The following WBP2NL variants were observed in gnomAD, a reference collection of about 807,000 sequenced individuals.
WBP2NL encodes the protein postacrosomal sheath WW domain-binding protein.
A neutral mutation model predicts 23.3 loss-of-function variants in WBP2NL; 27 were observed. That is an observed-to-expected ratio of 1.16 (90% CI 0.85 to 1.60). WBP2NL has a LOEUF of 1.60. WBP2NL is among the 40% of genes most tolerant of loss of function. WBP2NL has a pLI of 0.00. For synonymous variants in WBP2NL, 151 were observed against 145.9 expected (o/e 1.03, Z -0.25); for missense variants, 370 against 389.5 (o/e 0.95, Z 0.42).
At chr22:42,011,042 G>C (rs1018343267) in intron 1 of WBP2NL, among the ~76,000 whole-genome samples, 3 of 152,038 alleles carry the variant, frequency 2.0e-5, no homozygotes, top group Non-Finnish European at 2.9e-5. Context: ...CTAGTATTTT[G>C]TTGAGGATTT....
intron 1 of WBP2NL, among the ~76,000 whole-genome samples, chr22:42,017,208 A>G (rs1365661278): frequency 6.6e-6 from 1 of 152,038 alleles, no homozygotes; most frequent in Non-Finnish European, 1.5e-5. Context: ...TCTGTGCCCC[A>G]TGGCTCAAGC....
At chr22:42,017,020 T>C (rs1029763569) in intron 1 of WBP2NL, among the ~76,000 whole-genome samples, 1 of 152,240 alleles carries the variant, frequency 6.6e-6, no homozygotes, top group African/African-American at 2.4e-5. Context: ...TTCTCCCAAG[T>C]ATGCAGTTTG....
chr22:42,009,118 G>A (rs1430453602), intron 1 of WBP2NL, among the ~76,000 whole-genome samples: 1 of 152,188 alleles, frequency 6.6e-6, no homozygotes, highest in Non-Finnish European at 1.5e-5. Flanking sequence ...GTTTCACCAT[G>A]TTGGGCTGGC....
chr22:42,019,037 A>AC (rs1454426539), intron 1 of WBP2NL, among the ~76,000 whole-genome samples: 1 of 151,812 alleles, frequency 6.6e-6, no homozygotes, highest in Non-Finnish European at 1.5e-5. Context: ...CCTGGCTAAC[A>AC]GTGAAACCCC....
At chr22:42,047,784 G>A (rs111301688) in intron 8 of WBP2NL, among the ~76,000 whole-genome samples, 6,554 of 151,448 alleles carry the variant, frequency 0.043, 192 homozygotes, top group Non-Finnish European at 0.064. Flanking sequence ...ACCACACCTG[G>A]CTAACTTTTT....
At chr22:42,008,696 C>T (rs1426139884) in intron 1 of WBP2NL, among the ~76,000 whole-genome samples, 1 of 151,978 alleles carries the variant, frequency 6.6e-6, no homozygotes, top group Non-Finnish European at 1.5e-5. Context: ...CAACCTCTGC[C>T]TCCCAGGTTC....
At chr22:42,008,203 TCTC>T (rs1922477126) in intron 1 of WBP2NL, among the ~76,000 whole-genome samples, 1 of 46,478 alleles carries the variant, frequency 2.2e-5, no homozygotes, top group Non-Finnish European at 4.1e-5. Context: ...CCCCTCCCCC[TCTC>T]CTCCCCTCCC....
chr22:42,057,869 G>GTGTATA (rs1926112302), intron 8 of WBP2NL, among the ~76,000 whole-genome samples: 9 of 32,540 alleles, frequency 2.8e-4, no homozygotes, highest in African/African-American at 4.5e-4. Flanking sequence ...GTGTGTGTAT[G>GTGTATA]TATATATATA....
chr22:42,053,373 A>AAC (rs1323069043), intron 8 of WBP2NL, among the ~76,000 whole-genome samples: 13 of 152,288 alleles, frequency 8.5e-5, no homozygotes, highest in Middle Eastern at 6.8e-3. Context: ...AACTCTGTTT[A>AAC]ACATTTTGAG....
intron 1 of WBP2NL, chr22:42,000,972 A>G (rs1921596560): frequency 2.2e-6 from 1 of 447,024 alleles, no homozygotes; most frequent in Admixed American, 3.5e-5. Context: ...CACCCTGGGC[A>G]ATAGAGGGAG....
At chr22:42,056,610 C>T (rs1926041042) in intron 8 of WBP2NL, among the ~76,000 whole-genome samples, 5 of 152,026 alleles carry the variant, frequency 3.3e-5, no homozygotes, top group Admixed American at 2.6e-4. Flanking sequence ...TTTCATGTTG[C>T]CTTCATTTTT....
At position 42,008,316 on chromosome 22, in the gene WBP2NL, C is replaced by T. The variant is rs529537313; in HGVS notation, c.62+9436C>T. ...CTTAGCTTCCGGGGTTCAAGTGATTCACATGCCCTCAGCCTCCTGAGTAGC... is the reference window on the plus strand; with the variant it reads ...CTTAGCTTCCGGGGTTCAAGTGATTTACATGCCCTCAGCCTCCTGAGTAGC... On this transcript the variant is annotated intron_variant, in intron 1 of 5. Coordinates refer to ENST00000328823, the MANE Select transcript of WBP2NL (RefSeq NM_152613.3). Among the ~76,000 whole-genome samples the T allele has an allele frequency of 2.7e-5, 4 of 150,668 alleles. No homozygotes were observed. In the South Asian group the frequency reaches 8.3e-4, roughly 31 times the overall value.
intron 8 of WBP2NL, among the ~76,000 whole-genome samples, chr22:42,057,586 C>T (rs188635565): frequency 1.6e-4 from 24 of 150,734 alleles, no homozygotes; most frequent in South Asian, 6.3e-4. Flanking sequence ...TCTGGGTTGC[C>T]GCAAGCTTTT....
At chr22:42,045,710 A>G (rs960807355) in intron 8 of WBP2NL, among the ~76,000 whole-genome samples, 3 of 152,230 alleles carry the variant, frequency 2.0e-5, no homozygotes, top group African/African-American at 7.2e-5. Flanking sequence ...AATTGAGTCA[A>G]TAATTAATAA....
At chr22:42,013,369 A>G (rs1923004766) in intron 1 of WBP2NL, among the ~76,000 whole-genome samples, 1 of 151,892 alleles carries the variant, frequency 6.6e-6, no homozygotes. Flanking sequence ...CTGGGCAACA[A>G]AAGTGAAACT....
At chr22:42,046,775 TTGC>T (rs1482148180) in intron 8 of WBP2NL, among the ~76,000 whole-genome samples, 3 of 151,852 alleles carry the variant, frequency 2.0e-5, no homozygotes, top group African/African-American at 4.9e-5. Flanking sequence ...ATGGATAAAC[TTGC>T]TGGTGTTTTG....
intron 8 of WBP2NL, among the ~76,000 whole-genome samples, chr22:42,048,160 A>G (rs1328288023): frequency 2.0e-5 from 3 of 151,522 alleles, no homozygotes; most frequent in Non-Finnish European, 2.9e-5. Context: ...GGTGGCTCAC[A>G]CCTGTAATCC....
chr22:42,004,279 G>A (rs1361181206), intron 1 of WBP2NL, among the ~76,000 whole-genome samples: 2 of 151,614 alleles, frequency 1.3e-5, no homozygotes, highest in Non-Finnish European at 2.9e-5. Context: ...ATCAAAATAA[G>A]TAAATAAATA....
intron 8 of WBP2NL, among the ~76,000 whole-genome samples, chr22:42,053,587 G>C (rs967045907): frequency 3.9e-5 from 6 of 151,966 alleles, no homozygotes; most frequent in African/African-American, 1.5e-4. Flanking sequence ...AGCCTCATAA[G>C]TAGCTGGGAC....
Sources: allele counts gnomAD v4.1 joint callset (sites outside exome capture counted in the v4.1 genomes callset), GRCh38; gene constraint gnomAD v4.1.1; transcripts MANE v1.5; gene names NCBI Gene and HGNC (gene_info 2026-07-23, HGNC 2026-07-21).